The following ATF7IP variants were observed in gnomAD, a reference collection of about 807,000 sequenced individuals.
ATF7IP encodes the protein activating transcription factor 7-interacting protein 1.
Under a neutral mutation model 106.4 loss-of-function variants are expected in ATF7IP, and 23 were observed. The observed-to-expected ratio is 0.22, with a 90% confidence interval of 0.16 to 0.31. ATF7IP has a LOEUF of 0.31. Ranked by LOEUF, ATF7IP falls within the 10% of genes least tolerant of loss-of-function variation. The probability of loss-of-function intolerance (pLI) is 1.00; values close to 1 mark genes in which losing one functional copy is unlikely to be tolerated. For missense variants in ATF7IP, 1,334 were observed against 1,524.3 expected, an observed-to-expected ratio of 0.88 and a Z score of 2.08; for synonymous variants, 542 against 539.0, an observed-to-expected ratio of 1.01 and a Z score of -0.08.
chr12:14,459,997 A>C (rs1044939518), intron 8 of ATF7IP, among the ~76,000 whole-genome samples: 34 of 152,292 alleles, frequency 2.2e-4, no homozygotes, highest in African/African-American at 6.5e-4. Context: ...ACTTGATCCA[A>C]AGATACAGAC....
intron 1 of ATF7IP, among the ~76,000 whole-genome samples, chr12:14,392,514 CAGTT>C (rs1180375667): frequency 6.6e-6 from 1 of 152,190 alleles, no homozygotes; most frequent in Admixed American, 6.5e-5. Context: ...ACAAATGTAA[CAGTT>C]ATTTATTATG....
chr12:14,382,782 A>C (rs1591764474), intron 1 of ATF7IP, among the ~76,000 whole-genome samples: 1 of 152,366 alleles, frequency 6.6e-6, no homozygotes, highest in East Asian at 1.9e-4. Flanking sequence ...TTATATAAAG[A>C]TTATTTGCAT....
chr12:14,426,529 CTT>C (rs200611526), intron 2 of ATF7IP, among the ~76,000 whole-genome samples: 7 of 131,740 alleles, frequency 5.3e-5, no homozygotes, highest in Admixed American at 1.6e-4. Context: ...TAAAAAATGG[CTT>C]TTTTTTTTTT....
At chr12:14,411,137 A>G (rs1214273287) in intron 1 of ATF7IP, among the ~76,000 whole-genome samples, 1 of 152,092 alleles carries the variant, frequency 6.6e-6, no homozygotes, top group African/African-American at 2.4e-5. Context: ...TCTCTTGGGT[A>G]TATACCTAGG....
intron 9 of ATF7IP, chr12:14,466,161 G>T (rs185043729): frequency 0.021 from 3,400 of 165,654 alleles, 35 homozygotes; most frequent in Non-Finnish European, 0.03. Context: ...GAACATTTTT[G>T]ACATACTAAA....
intron 5 of ATF7IP, among the ~76,000 whole-genome samples, chr12:14,439,247 C>A (rs930541012): frequency 2.0e-5 from 3 of 152,098 alleles, no homozygotes; most frequent in African/African-American, 7.2e-5. Flanking sequence ...ATGAGCATAT[C>A]CCAAAGATGC....
chr12:14,397,062 T>C (rs1939890658), intron 1 of ATF7IP, among the ~76,000 whole-genome samples: 1 of 152,120 alleles, frequency 6.6e-6, no homozygotes, highest in Admixed American at 6.6e-5. Context: ...CTTGGGAGGC[T>C]GAGGCAGGAG....
chr12:14,438,710 G>T (rs772542552), intron 5 of ATF7IP, among the ~76,000 whole-genome samples: 1 of 152,018 alleles, frequency 6.6e-6, no homozygotes, highest in Non-Finnish European at 1.5e-5. Context: ...TTGGAGTAGG[G>T]GCCCACTATA....
chr12:14,409,491 G>C (rs1591808282), intron 1 of ATF7IP, among the ~76,000 whole-genome samples: 1 of 152,244 alleles, frequency 6.6e-6, no homozygotes, highest in East Asian at 1.9e-4. Context: ...ATATGCGGAA[G>C]ACTTTATTAA....
chr12:14,400,349 T>C (rs1244396427), intron 1 of ATF7IP, among the ~76,000 whole-genome samples: 1 of 152,176 alleles, frequency 6.6e-6, no homozygotes, highest in Non-Finnish European at 1.5e-5. Flanking sequence ...ACTTTCTATT[T>C]ATTATGTCAT....
intron 6 of ATF7IP, among the ~76,000 whole-genome samples, chr12:14,449,379 C>T (rs1015483449): frequency 3.9e-5 from 6 of 152,130 alleles, no homozygotes; most frequent in Middle Eastern, 3.4e-3. Context: ...TTCCCAGCAC[C>T]ATTTATTAAA....
chr12:14,375,611 A>C (rs1396850021), intron 1 of ATF7IP, among the ~76,000 whole-genome samples: 2 of 152,248 alleles, frequency 1.3e-5, no homozygotes, highest in Non-Finnish European at 2.9e-5. Flanking sequence ...AGTTAGTTAT[A>C]CAGTGAAGTG....
intron 1 of ATF7IP, among the ~76,000 whole-genome samples, chr12:14,406,636 A>G (rs1940596851): frequency 3.4e-5 from 5 of 148,968 alleles, no homozygotes. Flanking sequence ...TTTCATGTAG[A>G]CCAGTGTTTA....
chr12:14,397,916 T>C (rs1939943387), intron 1 of ATF7IP, among the ~76,000 whole-genome samples: 1 of 152,166 alleles, frequency 6.6e-6, no homozygotes. Context: ...ATTAGCATTT[T>C]TGGCAGCCAC....
At chr12:14,485,892 A>G (rs1249179238) in intron 13 of ATF7IP, among the ~76,000 whole-genome samples, 1 of 152,140 alleles carries the variant, frequency 6.6e-6, no homozygotes, top group African/African-American at 2.4e-5. Context: ...CACATGGGAG[A>G]ATTGAATGGG....
At chr12:14,447,102 A>G in intron 6 of ATF7IP, 49 bp downstream of exon 6, 1 of 1,394,328 alleles carries the variant, frequency 7.2e-7, no homozygotes, top group Non-Finnish European at 9.9e-7. Flanking sequence ...CTAAGTGGTA[A>G]TCTTAGGAAA....
intron 2 of ATF7IP, among the ~76,000 whole-genome samples, chr12:14,427,858 C>T (rs1160947176): frequency 2.6e-5 from 4 of 152,076 alleles, no homozygotes; most frequent in Non-Finnish European, 4.4e-5. Context: ...CAGGCCAAAA[C>T]GGTGCCTGGC....
intron 11 of ATF7IP, among the ~76,000 whole-genome samples, chr12:14,477,399 T>G (rs1385735298): frequency 6.6e-6 from 1 of 152,198 alleles, no homozygotes; most frequent in Admixed American, 6.5e-5. Context: ...TTCACTTATC[T>G]CTATTGCTTT....
Position 14,456,557 on chromosome 12 carries a change from C to G in ATF7IP, c.1996-4C>G, listed in dbSNP as rs1478011904. 2 of 1,607,440 alleles carry G rather than the reference C, an allele frequency of 1.2e-6. No homozygotes were observed. Among genetic ancestry groups the G allele is most frequent in the African/African-American group, 2.7e-5 (2 of 74,594 alleles). On this transcript the variant is annotated splice_region_variant and splice_polypyrimidine_tract_variant and intron_variant, in intron 6 of 14. Coordinates refer to ENST00000261168, the MANE Select transcript of ATF7IP (RefSeq NM_018179.5). Reference sequence around the variant, plus strand: ...TTTTACCTTGATTTTTTTTTCTCCCCCAGCATCCACCCAACCCACCAGTAT... The same window carrying G: ...TTTTACCTTGATTTTTTTTTCTCCCGCAGCATCCACCCAACCCACCAGTAT...
Sources: allele counts gnomAD v4.1 joint callset (sites outside exome capture counted in the v4.1 genomes callset), GRCh38; gene constraint gnomAD v4.1.1; transcripts MANE v1.5; gene names NCBI Gene and HGNC (gene_info 2026-07-23, HGNC 2026-07-21).